Variants in GAB1 observed in about 807,000 individuals in gnomAD.
GAB1 encodes GRB2-associated-binding protein 1.
In GAB1, 19 loss-of-function variants were observed where a neutral mutation model predicts 66.5. The ratio of observed to expected loss-of-function variants is 0.29; its 90% CI spans 0.20 to 0.42. GAB1 has a LOEUF of 0.42. Ranked by LOEUF, GAB1 falls within the 10% of genes least tolerant of loss-of-function variation. The probability of loss-of-function intolerance (pLI) is 1.00; values close to 1 mark genes in which losing one functional copy is unlikely to be tolerated. For synonymous variants in GAB1, 294 were observed against 301.4 expected, an observed-to-expected ratio of 0.98 and a Z score of 0.25; for missense variants, 732 against 858.5, an observed-to-expected ratio of 0.85 and a Z score of 1.84.
At chr4:143,376,721 G>A (rs1284583928) in intron 1 of GAB1, 3 of 152,164 alleles carry the variant, frequency 2.0e-5, no homozygotes, top group African/African-American at 7.2e-5. Context: ...ATTAGCTCTT[G>A]TGGTTATTTT....
chr4:143,354,560 C>T (rs1351226323), intron 1 of GAB1, among the ~76,000 whole-genome samples: 2 of 151,630 alleles, frequency 1.3e-5, no homozygotes, highest in African/African-American at 4.8e-5. Context: ...GATTTATTGC[C>T]CTTTGCCTAA....
At position 143,373,822 on chromosome 4, in the gene GAB1, C is replaced by CCTCTCT. The variant is rs3049718; in HGVS notation, c.72+36591_72+36596dup. Among the ~76,000 whole-genome samples the CCTCTCT allele has an allele frequency of 6.6e-3, 646 of 97,832 alleles. 17 individuals carry two copies. Among genetic ancestry groups the CCTCTCT allele is most frequent in the African/African-American group, 0.02 (493 of 24,210 alleles). The allele number at this position is 97,832 out of a possible 152,430, so 64.2% of individuals were successfully genotyped here. On this transcript the variant is annotated intron_variant, in intron 1 of 9. Coordinates refer to ENST00000262994, the MANE Select transcript of GAB1 (RefSeq NM_002039.4). ...CCAGCCTGGGTGATGGGAGTGAAACCCTCTCTCTCTCTCTCTCTCTCTCTC... is the reference window on the plus strand; with the variant it reads ...CCAGCCTGGGTGATGGGAGTGAAACCCTCTCTCTCTCTCTCTCTCTCTCTCTCTCTC...
chr4:143,367,953 G>T (rs1729958673), intron 1 of GAB1, among the ~76,000 whole-genome samples: 1 of 151,934 alleles, frequency 6.6e-6, no homozygotes, highest in Admixed American at 6.6e-5. Flanking sequence ...TCAAACTCCT[G>T]ACCTCAGTCA....
chr4:143,391,277 A>G (rs140198133), intron 1 of GAB1, among the ~76,000 whole-genome samples: 16 of 152,352 alleles, frequency 1.1e-4, no homozygotes, highest in African/African-American at 3.8e-4. Flanking sequence ...CATATCTCCC[A>G]TAAGTGTTAT....
intron 1 of GAB1, among the ~76,000 whole-genome samples, chr4:143,344,875 A>G (rs1348379214): frequency 2.0e-5 from 3 of 152,256 alleles, no homozygotes; most frequent in African/African-American, 7.2e-5. Context: ...AAAGTACACT[A>G]TAACCTAAGA....
At chr4:143,356,877 A>C (rs963203153) in intron 1 of GAB1, among the ~76,000 whole-genome samples, 1 of 152,180 alleles carries the variant, frequency 6.6e-6, no homozygotes, top group African/African-American at 2.4e-5. Context: ...AAGATTTTAG[A>C]TGATGCTATT....
At chr4:143,378,377 G>A (rs1483015103) in intron 1 of GAB1, among the ~76,000 whole-genome samples, 1 of 152,126 alleles carries the variant, frequency 6.6e-6, no homozygotes, top group East Asian at 1.9e-4. Context: ...GAATTTGTGT[G>A]AAGGTGATTT....
intron 1 of GAB1, among the ~76,000 whole-genome samples, chr4:143,367,984 C>T (rs1480096896): frequency 6.6e-6 from 1 of 152,006 alleles, no homozygotes; most frequent in Non-Finnish European, 1.5e-5. Context: ...CTCAGCCTCC[C>T]AAAGTGCTAG....
chr4:143,461,952 C>T (rs1735516379), intron 8 of GAB1, among the ~76,000 whole-genome samples: 1 of 152,094 alleles, frequency 6.6e-6, no homozygotes, highest in Non-Finnish European at 1.5e-5. Flanking sequence ...AATTAATTAA[C>T]TTTAAAATAT....
At chr4:143,415,134 G>A (rs1424373892) in intron 1 of GAB1, among the ~76,000 whole-genome samples, 1 of 152,058 alleles carries the variant, frequency 6.6e-6, no homozygotes, top group Non-Finnish European at 1.5e-5. Flanking sequence ...TCATTCTTTT[G>A]CGTATGGATT....
intron 6 of GAB1, among the ~76,000 whole-genome samples, chr4:143,453,817 T>C (rs938890509): frequency 2.6e-5 from 4 of 152,200 alleles, no homozygotes; most frequent in African/African-American, 9.6e-5. Flanking sequence ...TCTGGGCAAG[T>C]TACTTAAGTT....
At chr4:143,359,004 AT>A (rs1226137551) in intron 1 of GAB1, among the ~76,000 whole-genome samples, 3 of 152,138 alleles carry the variant, frequency 2.0e-5, no homozygotes, top group Non-Finnish European at 4.4e-5. Flanking sequence ...TCCCTGGCTT[AT>A]TTACATATTG....
chr4:143,358,535 G>T (rs974912179), intron 1 of GAB1, among the ~76,000 whole-genome samples: 1 of 152,158 alleles, frequency 6.6e-6, no homozygotes, highest in Non-Finnish European at 1.5e-5. Context: ...TCTGAAGGTG[G>T]TGAATATAAA....
intron 6 of GAB1, among the ~76,000 whole-genome samples, chr4:143,456,456 C>A (rs376834042): frequency 1.3e-3 from 183 of 139,782 alleles, no homozygotes; most frequent in African/African-American, 1.6e-3. Context: ...GACTCCGTCT[C>A]AAAAAAAAAA....
chr4:143,369,935 A>G (rs1266748982), intron 1 of GAB1, among the ~76,000 whole-genome samples: 3 of 152,236 alleles, frequency 2.0e-5, no homozygotes, highest in Non-Finnish European at 4.4e-5. Context: ...TAAGAGTTAC[A>G]GAGTTGGCTG....
At chr4:143,457,225 G>A (rs1333908887) in intron 6 of GAB1, among the ~76,000 whole-genome samples, 1 of 152,186 alleles carries the variant, frequency 6.6e-6, no homozygotes, top group South Asian at 2.1e-4. Context: ...TTACAAGGAC[G>A]TAGGCCTTCG....
intron 1 of GAB1, among the ~76,000 whole-genome samples, chr4:143,369,459 C>T (rs929707820): frequency 4.6e-5 from 7 of 152,168 alleles, no homozygotes; most frequent in African/African-American, 1.7e-4. Context: ...TGTTTTTACA[C>T]TTGATATACT....
intron 2 of GAB1, among the ~76,000 whole-genome samples, chr4:143,428,131 G>A (rs896844707): frequency 3.9e-5 from 6 of 152,200 alleles, no homozygotes; most frequent in Admixed American, 6.5e-5. Context: ...ACCTTTATCC[G>A]TGAAAGGAGA....
chr4:143,401,533 T>C (rs776809148), intron 1 of GAB1, among the ~76,000 whole-genome samples: 3 of 152,186 alleles, frequency 2.0e-5, no homozygotes, highest in Non-Finnish European at 4.4e-5. Context: ...TAAATAAATA[T>C]CTAGTGTTTT....
Sources: allele counts gnomAD v4.1 joint callset (sites outside exome capture counted in the v4.1 genomes callset), GRCh38; gene constraint gnomAD v4.1.1; transcripts MANE v1.5; gene names NCBI Gene and HGNC (gene_info 2026-07-23, HGNC 2026-07-21).